STXBP5: variants seen among roughly 807,000 people sequenced by gnomAD.
STXBP5 encodes syntaxin-binding protein 5.
In STXBP5, 50 loss-of-function variants were observed where a neutral mutation model predicts 152.4. The observed-to-expected ratio is 0.33, with a 90% CI of 0.26 to 0.42. The LOEUF (loss-of-function observed/expected upper bound fraction) is 0.42. Ranked by LOEUF, STXBP5 falls within the 10% of genes least tolerant of loss-of-function variation. STXBP5 has a pLI of 1.00. For synonymous variants in STXBP5, 492 were observed against 494.7 expected (o/e 0.99, Z 0.07); for missense variants, 1,167 against 1,388.6 (o/e 0.84, Z 2.54).
chr6:147,241,721 A>G (rs1462883292), intron 4 of STXBP5, among the ~76,000 whole-genome samples: 2 of 152,184 alleles, frequency 1.3e-5, no homozygotes, highest in Non-Finnish European at 2.9e-5. Context: ...AGCTGTCATA[A>G]CATCATAGCA....
At chr6:147,314,061 T>C (rs1782514633) in intron 12 of STXBP5, 30 bp downstream of exon 12, 2 of 1,548,374 alleles carry the variant, frequency 1.3e-6, no homozygotes, top group Non-Finnish European at 1.8e-6. Flanking sequence ...GTATTTAATG[T>C]TATATTTCTT....
intron 2 of STXBP5, among the ~76,000 whole-genome samples, chr6:147,215,862 A>G (rs998420244): frequency 6.6e-6 from 1 of 152,172 alleles, no homozygotes; most frequent in Non-Finnish European, 1.5e-5. Flanking sequence ...TAGCTCAATT[A>G]TTGAAGTGTT....
At chr6:147,380,519 G>T (rs1786033607) in intron 26 of STXBP5, among the ~76,000 whole-genome samples, 1 of 151,096 alleles carries the variant, frequency 6.6e-6, no homozygotes, top group Admixed American at 6.6e-5. Context: ...ATTCAAAATG[G>T]CTCAAAGACC....
Position 147,385,443 on chromosome 6 carries a change from T to C in STXBP5, c.*688T>C, listed in dbSNP as rs1166473514. 6.6e-6 allele frequency: 1 copy of C among 152,122 alleles called. No individual in the cohort carries two copies. The highest frequency in any genetic ancestry group is 1.5e-5 in the Non-Finnish European group (1 of 68,014). 9.4% of individuals were successfully genotyped at this position (152,122 alleles called of 1,614,324 possible). A position where few individuals can be genotyped will look rare whatever the true frequency, so the allele number is the denominator to read the frequency against. ...AGCAAAACAAGAAGATACATCACTT[T>C]TCATTGAAAAGAAAAGTGTAGAGCA... On this transcript the variant is annotated 3_prime_UTR_variant, in exon 28 of 28. Transcript: ENST00000321680.
At chr6:147,256,244 A>T (rs1333568416) in intron 4 of STXBP5, among the ~76,000 whole-genome samples, 1 of 152,230 alleles carries the variant, frequency 6.6e-6, no homozygotes, top group Non-Finnish European at 1.5e-5. Flanking sequence ...ATCTCTGTAA[A>T]CATCCTTGTC....
At chr6:147,289,907 G>A (rs1018780154) in intron 8 of STXBP5, among the ~76,000 whole-genome samples, 1 of 152,102 alleles carries the variant, frequency 6.6e-6, no homozygotes, top group Non-Finnish European at 1.5e-5. Context: ...CACTAAAAAT[G>A]TTCGCTTTCC....
intron 2 of STXBP5, among the ~76,000 whole-genome samples, chr6:147,213,471 T>TGTGC (rs1776982455): frequency 8.2e-6 from 1 of 121,482 alleles, no homozygotes; most frequent in Non-Finnish European, 1.8e-5. Flanking sequence ...TGTGTGTGTG[T>TGTGC]GTGTGTGCGC....
At chr6:147,283,892 A>G (rs1403379737) in intron 8 of STXBP5, among the ~76,000 whole-genome samples, 2 of 152,186 alleles carry the variant, frequency 1.3e-5, no homozygotes, top group African/African-American at 4.8e-5. Flanking sequence ...ATTATTAGCA[A>G]TGTGGCTCTT....
At chr6:147,249,128 G>A (rs1229356722) in intron 4 of STXBP5, among the ~76,000 whole-genome samples, 1 of 152,192 alleles carries the variant, frequency 6.6e-6, no homozygotes. Context: ...TGGCTGAAAT[G>A]TGGATTTTAG....
intron 4 of STXBP5, among the ~76,000 whole-genome samples, chr6:147,253,123 G>A (rs189934540): frequency 4.6e-5 from 7 of 152,092 alleles, no homozygotes; most frequent in East Asian, 1.9e-4. Flanking sequence ...TGATCAAATC[G>A]GCTTCATCCC....
At chr6:147,347,562 GA>G (rs1562260859) in intron 21 of STXBP5, among the ~76,000 whole-genome samples, 1 of 152,120 alleles carries the variant, frequency 6.6e-6, no homozygotes, top group Non-Finnish European at 1.5e-5. Context: ...TTATAAATGT[GA>G]AAATAATATA....
Position 147,314,351 on chromosome 6 carries a change from C to G in STXBP5, c.1361+20C>G. 6.2e-7 allele frequency: 1 copy of G among 1,601,942 alleles called. No homozygotes were observed. The highest frequency in any genetic ancestry group is 8.6e-7 in the Non-Finnish European group (1 of 1,169,174). ...TACAGGGTAAGTAAAAGTCTGTCTT[C>G]ACCAAGTAAATCTATAATAGCTAAA... is the stretch of plus-strand genomic sequence containing the variant. On this transcript the variant is annotated intron_variant, in intron 13 of 27. Transcript: ENST00000321680.
intron 17 of STXBP5, among the ~76,000 whole-genome samples, 181 bp downstream of exon 17, chr6:147,325,265 TG>T (rs1392492587): frequency 2.0e-5 from 3 of 152,222 alleles, no homozygotes; most frequent in African/African-American, 7.2e-5. Flanking sequence ...TAACTTACTT[TG>T]GGTATGCATG....
intron 22 of STXBP5, among the ~76,000 whole-genome samples, chr6:147,353,811 TACTA>T (rs1208044673): frequency 2.6e-5 from 4 of 152,192 alleles, no homozygotes; most frequent in African/African-American, 4.8e-5. Context: ...GAATCATCGT[TACTA>T]ACTTTTTGAT....
At chr6:147,327,479 C>T (rs1374067949) in intron 18 of STXBP5, among the ~76,000 whole-genome samples, 3 of 152,084 alleles carry the variant, frequency 2.0e-5, no homozygotes, top group Admixed American at 2.0e-4. Flanking sequence ...GACAGGGTCT[C>T]ACTCTGTCAC....
At chr6:147,320,602 C>A (rs923870905) in intron 16 of STXBP5, among the ~76,000 whole-genome samples, 2 of 129,200 alleles carry the variant, frequency 1.5e-5, no homozygotes, top group African/African-American at 5.7e-5. Flanking sequence ...TGTACACATG[C>A]TTGATTTTTG....
chr6:147,287,194 A>ATTT lies in STXBP5; in HGVS notation c.839-3876_839-3874dup, dbSNP rs11370591. On this transcript the variant is annotated intron_variant, in intron 8 of 27. Transcript: ENST00000321680. ...TAGTTCAATAATAACTTAATTGTAC[A>ATTT]TTTTTTTTTTTTTTTTTTTTTTTTT... 5.0e-3 allele frequency among the ~76,000 whole-genome samples: 376 copies of ATTT among 75,264 alleles called. 72 individuals carry two copies. Among genetic ancestry groups the ATTT allele is most frequent in the Admixed American group, 0.036 (176 of 4,912 alleles). The allele number at this position is 75,264 out of a possible 152,430, so 49.4% of individuals were successfully genotyped here.
In STXBP5 at chr6:147,233,764, A is replaced by G. The variant is rs2053459; in HGVS notation, c.249-1486A>G. 6.9e-3 allele frequency among the ~76,000 whole-genome samples: 1,048 copies of G among 151,534 alleles called. 18 individuals are homozygous for G. Among genetic ancestry groups the G allele is most frequent in the African/African-American group, 0.024 (1,001 of 41,496 alleles). On this transcript the variant is annotated intron_variant, in intron 2 of 27. Transcript: ENST00000321680. Reference sequence around the variant, plus strand: ...ACGGTGTGATTTGCACATTGCCAATACTATTAATTTGAATTCTAGTTTCCT... The same window carrying G: ...ACGGTGTGATTTGCACATTGCCAATGCTATTAATTTGAATTCTAGTTTCCT...
At chr6:147,266,320 C>T (rs2115364969) in intron 6 of STXBP5, among the ~76,000 whole-genome samples, 1 of 152,142 alleles carries the variant, frequency 6.6e-6, no homozygotes, top group Admixed American at 6.6e-5. Context: ...TATTCTAGAA[C>T]TCTTAACTCT....
Sources: gnomAD v4.1 joint callset for allele counts (sites outside exome capture counted in the v4.1 genomes callset) on GRCh38, gnomAD v4.1.1 for gene constraint, MANE v1.5 for transcripts, NCBI Gene and HGNC (gene_info 2026-07-23, HGNC 2026-07-21) for gene names.